RAPGEF4: variants seen among roughly 807,000 people sequenced by gnomAD.
The protein encoded by RAPGEF4 is RAP guanine-nucleotide-exchange factor (GEF) 4.
RAPGEF4 carries 66 observed loss-of-function variants against 147.9 expected under a neutral mutation model. The observed-to-expected ratio is 0.45, with a 90% CI of 0.37 to 0.55. RAPGEF4 has a LOEUF of 0.55. Ranked by LOEUF, RAPGEF4 falls within the 20% of genes least tolerant of loss-of-function variation. RAPGEF4 has a pLI of 0.00. For synonymous variants in RAPGEF4, 419 were observed against 442.7 expected (o/e 0.95, Z 0.67); for missense variants, 1,071 against 1,257.3 (o/e 0.85, Z 2.24).
At chr2:172,830,056 G>A (rs569104671) in intron 4 of RAPGEF4, among the ~76,000 whole-genome samples, 1 of 151,922 alleles carries the variant, frequency 6.6e-6, no homozygotes, top group African/African-American at 2.4e-5. Context: ...ATTGGATAGG[G>A]GTCTGTTATC....
At chr2:172,783,573 C>T (rs1451609424) in intron 1 of RAPGEF4, among the ~76,000 whole-genome samples, 1 of 152,126 alleles carries the variant, frequency 6.6e-6, no homozygotes, top group Non-Finnish European at 1.5e-5. Context: ...TCCCTGGGAT[C>T]TCAGGCTCCT....
chr2:172,947,003 C>T (rs1308978806), intron 6 of RAPGEF4, among the ~76,000 whole-genome samples: 2 of 152,178 alleles, frequency 1.3e-5, no homozygotes, highest in Non-Finnish European at 1.5e-5. Context: ...TTCACTTATT[C>T]TGAATTTAAT....
chr2:172,907,267 A>G (rs1017918936), intron 4 of RAPGEF4, among the ~76,000 whole-genome samples: 2 of 152,172 alleles, frequency 1.3e-5, no homozygotes, highest in African/African-American at 2.4e-5. Flanking sequence ...TTGCAACTCA[A>G]TCTGGGGACA....
intron 4 of RAPGEF4, among the ~76,000 whole-genome samples, chr2:172,841,120 G>A (rs986325402): frequency 1.3e-5 from 2 of 152,194 alleles, no homozygotes; most frequent in Non-Finnish European, 2.9e-5. Flanking sequence ...GTCTCATGTT[G>A]GAATTTGATC....
intron 5 of RAPGEF4, among the ~76,000 whole-genome samples, chr2:172,919,874 T>A (rs1684537071): frequency 6.6e-6 from 1 of 152,050 alleles, no homozygotes. Flanking sequence ...ACTCCTCCTT[T>A]CTCTCGCCAT....
chr2:172,999,067 G>A (rs967082973), intron 16 of RAPGEF4, among the ~76,000 whole-genome samples: 1 of 152,108 alleles, frequency 6.6e-6, no homozygotes, highest in African/African-American at 2.4e-5. Flanking sequence ...TAACCCATGG[G>A]CAGTGTGCCA....
chr2:172,862,271 C>A lies in RAPGEF4; in HGVS notation c.444+47846C>A, dbSNP rs547564767. Among the ~76,000 whole-genome samples the A allele has an allele frequency of 3.1e-4, 47 of 152,270 alleles. 1 individual carries two copies. The highest frequency in any genetic ancestry group is 1.0e-3 in the Admixed American group (16 of 15,282). On this transcript the variant is annotated intron_variant, in intron 4 of 30. Coordinates refer to ENST00000397081, the MANE Select transcript of RAPGEF4 (RefSeq NM_007023.4). ...GGAAGGCAGCCCAGTAATCTCAGTGCCTTTTTTCTTAACAGTGTATTGTTC... is the reference window on the plus strand; with the variant it reads ...GGAAGGCAGCCCAGTAATCTCAGTGACTTTTTTCTTAACAGTGTATTGTTC...
chr2:172,941,488 G>A (rs1231077806), intron 6 of RAPGEF4, among the ~76,000 whole-genome samples: 1 of 152,082 alleles, frequency 6.6e-6, no homozygotes, highest in African/African-American at 2.4e-5. Context: ...AAGTTATTGT[G>A]AAAAATAAAT....
At chr2:172,868,529 G>A (rs1694873950) in intron 4 of RAPGEF4, among the ~76,000 whole-genome samples, 1 of 152,192 alleles carries the variant, frequency 6.6e-6, no homozygotes, top group Non-Finnish European at 1.5e-5. Context: ...GGAGGAAAGA[G>A]CCATGTGTAC....
rs1332270095 is a variant in RAPGEF4 at position 172,782,881 on chromosome 2, T to C, written c.66-12144T>C. 3.9e-5 allele frequency among the ~76,000 whole-genome samples: 6 copies of C among 152,302 alleles called. No homozygotes were observed. The East Asian group carries it at 1.2e-3, about 29-fold the overall frequency. ...CCCGTTTGGCTGGGGTCTGGTGACC[T>C]GAGGCTGAGGGTGTGTGGTGGAGAG... On this transcript the variant is annotated intron_variant, in intron 1 of 30. Transcript: ENST00000397081.
chr2:172,805,588 AC>A (rs1412607282), intron 3 of RAPGEF4, among the ~76,000 whole-genome samples: 1 of 152,168 alleles, frequency 6.6e-6, no homozygotes, highest in Admixed American at 6.5e-5. Flanking sequence ...CTGCCCACAG[AC>A]CACTTCATCC....
At chr2:172,958,815 T>C (rs1335826376) in intron 6 of RAPGEF4, among the ~76,000 whole-genome samples, 2 of 152,242 alleles carry the variant, frequency 1.3e-5, no homozygotes, top group African/African-American at 4.8e-5. Context: ...CTGTATCTTA[T>C]CTATGCTGTT....
chr2:173,015,528 C>T (rs1023997689), intron 18 of RAPGEF4, among the ~76,000 whole-genome samples: 3 of 152,124 alleles, frequency 2.0e-5, no homozygotes, highest in South Asian at 2.1e-4. Context: ...AAAGATGGAC[C>T]GAGAGCATCC....
chr2:172,745,918 A>G (rs911410984), intron 1 of RAPGEF4, among the ~76,000 whole-genome samples: 3 of 152,222 alleles, frequency 2.0e-5, no homozygotes, highest in Admixed American at 2.0e-4. Flanking sequence ...GCATAATTCT[A>G]AAGAAACATT....
chr2:172,952,689 G>A (rs1688327121), intron 6 of RAPGEF4, among the ~76,000 whole-genome samples: 1 of 152,022 alleles, frequency 6.6e-6, no homozygotes, highest in African/African-American at 2.4e-5. Flanking sequence ...GTAAGAACAG[G>A]GACCTCTCTA....
At chr2:172,742,537 T>C (rs777674274) in intron 1 of RAPGEF4, among the ~76,000 whole-genome samples, 2 of 152,246 alleles carry the variant, frequency 1.3e-5, no homozygotes, top group Non-Finnish European at 2.9e-5. Flanking sequence ...TAATGAGGTA[T>C]ATAATGTCAA....
At chr2:172,962,389 A>T (rs543025193) in intron 8 of RAPGEF4, among the ~76,000 whole-genome samples, 2 of 152,170 alleles carry the variant, frequency 1.3e-5, no homozygotes, top group African/African-American at 4.8e-5. Context: ...TGAAGGATGC[A>T]TGTCTTCTAC....
intron 1 of RAPGEF4, among the ~76,000 whole-genome samples, chr2:172,761,843 G>C (rs1696377089): frequency 1.3e-5 from 2 of 151,852 alleles, no homozygotes; most frequent in Admixed American, 1.3e-4. Context: ...GCTGCTTTCG[G>C]CCTGGCATGG....
intron 8 of RAPGEF4, among the ~76,000 whole-genome samples, chr2:172,963,108 T>A (rs1048629116): frequency 1.3e-5 from 2 of 152,048 alleles, no homozygotes; most frequent in Non-Finnish European, 2.9e-5. Context: ...CCACACACTA[T>A]TAAATGATCA....
Sources: gnomAD v4.1 joint callset for allele counts (sites outside exome capture counted in the v4.1 genomes callset) on GRCh38, gnomAD v4.1.1 for gene constraint, MANE v1.5 for transcripts, NCBI Gene and HGNC (gene_info 2026-07-23, HGNC 2026-07-21) for gene names.